SGCD: variants seen among roughly 807,000 people sequenced by gnomAD.
The protein encoded by SGCD is sarcoglycan delta, also known as delta-sarcoglycan.
A neutral mutation model predicts 36.6 loss-of-function variants in SGCD; 18 were observed. The observed-to-expected ratio is 0.49, with a 90% CI of 0.34 to 0.73. The LOEUF (loss-of-function observed/expected upper bound fraction) is 0.73, where lower values mean the gene tolerates loss of function less well. Among genes scored for constraint, SGCD ranks in the 30% least tolerant of loss-of-function variants. SGCD has a pLI of 0.01. For missense variants in SGCD, 387 were observed against 346.7 expected (o/e 1.12, Z -0.92); for synonymous variants, 133 against 130.6 (o/e 1.02, Z -0.12).
chr5:156,441,660 G>A (rs1753495582), intron 3 of SGCD, among the ~76,000 whole-genome samples: 1 of 152,080 alleles, frequency 6.6e-6, no homozygotes, highest in South Asian at 2.1e-4. Flanking sequence ...TTGCCATGTA[G>A]CTTAGTTATA....
rs1561802207 is a variant in SGCD, at chr5:156,594,800, T to C, written c.383-132T>C. On this transcript the variant is annotated intron_variant, in intron 5 of 8. Coordinates refer to ENST00000337851, the MANE Select transcript of SGCD (RefSeq NM_000337.6). ...AAAACCAGTCCACTGAACATTGAAG[T>C]CTCATACAATCTTGTTAGATATGTG... The C allele has an allele frequency of 9.7e-6, 6 of 616,674 alleles. No homozygotes were observed. In the East Asian group the frequency reaches 1.4e-4, roughly 14 times the overall value. The allele number at this position is 616,674 out of a possible 1,614,324, so 38.2% of individuals were successfully genotyped here. A position where few individuals can be genotyped will look rare whatever the true frequency, so the allele number is the denominator to read the frequency against.
At chr5:155,839,943 T>TA in the SGCD span, among the ~76,000 whole-genome samples, 1 of 151,598 alleles carries the variant, frequency 6.6e-6, no homozygotes, top group Non-Finnish European at 1.5e-5. Context: ...AAACACTTTT[T>TA]TTTTTTTTAA....
At chr5:156,629,207 A>T (rs1438592359) in intron 6 of SGCD, among the ~76,000 whole-genome samples, 1 of 152,196 alleles carries the variant, frequency 6.6e-6, no homozygotes, top group African/African-American at 2.4e-5. Context: ...TCAAGGCAAC[A>T]CTTGAATGTA....
At chr5:156,715,921 C>T (rs771813694) in intron 7 of SGCD, among the ~76,000 whole-genome samples, 1 of 152,160 alleles carries the variant, frequency 6.6e-6, no homozygotes, top group Non-Finnish European at 1.5e-5. Context: ...CAGAATCCTG[C>T]GGGGCCTCAC....
the SGCD span, among the ~76,000 whole-genome samples, chr5:155,784,456 G>A: frequency 6.6e-6 from 1 of 152,218 alleles, no homozygotes; most frequent in Non-Finnish European, 1.5e-5. Flanking sequence ...TGACTGAGGA[G>A]TCCCTGAGAT....
intron 1 of SGCD, among the ~76,000 whole-genome samples, chr5:155,957,966 G>A (rs1436595309): frequency 6.6e-6 from 1 of 152,092 alleles, no homozygotes; most frequent in Non-Finnish European, 1.5e-5. Context: ...GGAACTTGTG[G>A]AAGTTCTTTT....
chr5:155,996,590 C>A (rs1406955850), intron 1 of SGCD, among the ~76,000 whole-genome samples: 1 of 151,958 alleles, frequency 6.6e-6, no homozygotes, highest in Non-Finnish European at 1.5e-5. Flanking sequence ...CCAGCCCGGG[C>A]AACTTGGTGA....
At chr5:156,173,985 C>G (rs1297176472) in intron 3 of SGCD, among the ~76,000 whole-genome samples, 2 of 152,118 alleles carry the variant, frequency 1.3e-5, no homozygotes, top group Non-Finnish European at 2.9e-5. Flanking sequence ...CATAATTATT[C>G]CTGTTGAATT....
intron 3 of SGCD, among the ~76,000 whole-genome samples, chr5:156,252,063 A>C (rs970929860): frequency 6.8e-6 from 1 of 147,854 alleles, no homozygotes; most frequent in African/African-American, 2.5e-5. Flanking sequence ...TGATATTAGC[A>C]TTTTTTTTTC....
intron 1 of SGCD, among the ~76,000 whole-genome samples, chr5:156,077,784 A>G (rs1760828604): frequency 6.6e-6 from 1 of 152,122 alleles, no homozygotes; most frequent in Non-Finnish European, 1.5e-5. Context: ...GTCTGACACT[A>G]CTGTGTACTC....
At chr5:155,852,853 G>A in the SGCD span, among the ~76,000 whole-genome samples, 2,152 of 152,124 alleles carry the variant, frequency 0.014, 61 homozygotes, top group African/African-American at 0.049. Flanking sequence ...AGTGCTTAAG[G>A]CAGAGTTGTT....
the SGCD span, among the ~76,000 whole-genome samples, chr5:155,856,450 T>C: frequency 6.6e-6 from 1 of 152,220 alleles, no homozygotes; most frequent in African/African-American, 2.4e-5. Context: ...GACTGTCAGT[T>C]TGGATTATTA....
chr5:156,526,199 G>T (rs991001458), intron 4 of SGCD, among the ~76,000 whole-genome samples: 1 of 152,066 alleles, frequency 6.6e-6, no homozygotes, highest in Admixed American at 6.6e-5. Flanking sequence ...CTTAAGCTGG[G>T]GAAGGAGGGA....
intron 3 of SGCD, among the ~76,000 whole-genome samples, chr5:156,501,067 G>A (rs1363323118): frequency 6.6e-6 from 1 of 152,150 alleles, no homozygotes; most frequent in African/African-American, 2.4e-5. Flanking sequence ...AAACTTTGGC[G>A]AGGCTGGAGT....
At chr5:156,071,850 C>T (rs552285671) in intron 1 of SGCD, among the ~76,000 whole-genome samples, 3 of 152,170 alleles carry the variant, frequency 2.0e-5, no homozygotes, top group Non-Finnish European at 4.4e-5. Context: ...ATAGTTAGCT[C>T]TTCTTGTTGA....
intron 3 of SGCD, among the ~76,000 whole-genome samples, chr5:156,255,588 A>G (rs1765694519): frequency 6.6e-6 from 1 of 152,086 alleles, no homozygotes; most frequent in African/African-American, 2.4e-5. Context: ...GTCAGTTGTG[A>G]TTAATTTGTT....
chr5:156,600,892 A>T (rs1283655773), intron 6 of SGCD, among the ~76,000 whole-genome samples: 1 of 152,056 alleles, frequency 6.6e-6, no homozygotes, highest in Non-Finnish European at 1.5e-5. Flanking sequence ...TCTCATTTGC[A>T]TTTCATTTAT....
In SGCD at chr5:156,761,695, A is replaced by G. The variant is rs1179431167; in HGVS notation, c.*2305A>G. On this transcript the variant is annotated 3_prime_UTR_variant, in exon 9 of 9. Transcript: ENST00000337851. ...TTAATCTTTAGATGACAAAAAAGCA[A>G]AAAGTTCCCAGAACGTTTTTGCTTA... 1 of 152,228 alleles carries G rather than the reference A, an allele frequency of 6.6e-6. No individual in the cohort carries two copies. The highest frequency in any genetic ancestry group is 6.5e-5 in the Admixed American group (1 of 15,288). 9.4% of individuals were successfully genotyped at this position (152,228 alleles called of 1,614,324 possible). A position where few individuals can be genotyped will look rare whatever the true frequency, so the allele number is the denominator to read the frequency against.
intron 7 of SGCD, among the ~76,000 whole-genome samples, chr5:156,756,648 C>T (rs1757345919): frequency 6.6e-6 from 1 of 152,188 alleles, no homozygotes; most frequent in Non-Finnish European, 1.5e-5. Context: ...GGAGTATTAT[C>T]CTGTTTTGCC....
Sources: gnomAD v4.1 joint callset for allele counts (sites outside exome capture counted in the v4.1 genomes callset) on GRCh38, gnomAD v4.1.1 for gene constraint, MANE v1.5 for transcripts, NCBI Gene and HGNC (gene_info 2026-07-23, HGNC 2026-07-21) for gene names.